Variants in PDE4D observed in about 807,000 individuals in gnomAD.
PDE4D encodes the protein phosphodiesterase 4D.
PDE4D carries 24 observed loss-of-function variants against 87.4 expected under a neutral mutation model. The observed-to-expected ratio is 0.27, with a 90% CI of 0.20 to 0.39. The LOEUF (loss-of-function observed/expected upper bound fraction) is 0.39. Ranked by LOEUF, PDE4D falls within the 10% of genes least tolerant of loss-of-function variation. PDE4D has a pLI of 1.00. For synonymous variants in PDE4D, 384 were observed against 383.2 expected, an observed-to-expected ratio of 1.00 and a Z score of -0.02; for missense variants, 714 against 1,041.0, an observed-to-expected ratio of 0.69 and a Z score of 4.32.
At chr5:59,040,468 G>T (rs937226590) in intron 5 of PDE4D, among the ~76,000 whole-genome samples, 1 of 152,180 alleles carries the variant, frequency 6.6e-6, no homozygotes, top group Non-Finnish European at 1.5e-5. Context: ...CTTGGGCCAA[G>T]GAAGAAAATC....
At chr5:59,982,268 T>C (rs1416499348) in intron 3 of PDE4D, among the ~76,000 whole-genome samples, 1 of 152,162 alleles carries the variant, frequency 6.6e-6, no homozygotes, top group Admixed American at 6.5e-5. Flanking sequence ...CCCACCCATA[T>C]CCCTGAATAT....
chr5:59,470,062 C>G (rs545904779), intron 1 of PDE4D, among the ~76,000 whole-genome samples: 2 of 151,942 alleles, frequency 1.3e-5, no homozygotes, highest in Non-Finnish European at 2.9e-5. Context: ...TTAATAAGCA[C>G]CCCTGGTAAA....
At chr5:59,596,010 TTATA>T (rs148993212) in intron 1 of PDE4D, among the ~76,000 whole-genome samples, 1 of 150,132 alleles carries the variant, frequency 6.7e-6, no homozygotes, top group African/African-American at 2.4e-5. Context: ...TTTTTAAAAA[TTATA>T]TATATATATA....
At chr5:60,325,368 A>G (rs1161839873) in intron 1 of PDE4D, among the ~76,000 whole-genome samples, 10 of 152,186 alleles carry the variant, frequency 6.6e-5, no homozygotes, top group Admixed American at 6.5e-4. Context: ...GATTGTATAT[A>G]TCCCTACAGG....
chr5:59,616,756 G>C (rs1231368485), intron 1 of PDE4D, among the ~76,000 whole-genome samples: 1 of 151,312 alleles, frequency 6.6e-6, no homozygotes, highest in Non-Finnish European at 1.5e-5. Context: ...GTATAAAGTT[G>C]CTCCCATGGA....
chr5:59,153,305 ATGT>A (rs1312395347), intron 5 of PDE4D, among the ~76,000 whole-genome samples: 1 of 152,174 alleles, frequency 6.6e-6, no homozygotes, highest in Non-Finnish European at 1.5e-5. Context: ...ACCAAAAGAA[ATGT>A]TGTCCTTTTC....
intron 1 of PDE4D, among the ~76,000 whole-genome samples, chr5:59,888,728 G>A (rs1750522149): frequency 6.6e-6 from 1 of 151,846 alleles, no homozygotes; most frequent in South Asian, 2.1e-4. Context: ...TTTTGGTAAT[G>A]TGAAATCTAA....
At chr5:59,599,236 CTTT>C (rs11409094) in intron 1 of PDE4D, among the ~76,000 whole-genome samples, 1 of 142,262 alleles carries the variant, frequency 7.0e-6, no homozygotes, top group African/African-American at 2.6e-5. Context: ...TTTGCTTTTT[CTTT>C]TTTTTTTTTT....
chr5:59,844,022 C>T (rs1211246280), intron 1 of PDE4D, among the ~76,000 whole-genome samples: 1 of 151,990 alleles, frequency 6.6e-6, no homozygotes, highest in Non-Finnish European at 1.5e-5. Context: ...TACTCACCAC[C>T]CTTGGCTGAA....
In PDE4D at chr5:58,976,478, AAT is replaced by A; in HGVS notation, c.1708-8_1708-7del. 1 of 1,541,592 alleles carries A rather than the reference AAT, an allele frequency of 6.5e-7. No individual in the cohort carries two copies. Among genetic ancestry groups the A allele is most frequent in the South Asian group, 1.2e-5 (1 of 84,108 alleles). On this transcript the variant is annotated splice_region_variant and splice_polypyrimidine_tract_variant and intron_variant, in intron 12 of 14. Coordinates refer to ENST00000340635, the MANE Select transcript of PDE4D (RefSeq NM_001104631.2). ...GACATATCTGTTGCAAGTACCTTAA[AAT>A]ATAGAGTATATTATTAAGTTCAGAG...
chr5:59,962,103 C>A (rs1002453874), intron 3 of PDE4D, among the ~76,000 whole-genome samples: 3 of 151,922 alleles, frequency 2.0e-5, no homozygotes, highest in Non-Finnish European at 4.4e-5. Context: ...ATTTCAAATA[C>A]AATTATTGGA....
chr5:59,562,880 G>T (rs1328194302), intron 1 of PDE4D, among the ~76,000 whole-genome samples: 1 of 148,764 alleles, frequency 6.7e-6, no homozygotes, highest in Non-Finnish European at 1.5e-5. Flanking sequence ...GAATCCTCAG[G>T]ACAACAGGGC....
At chr5:58,982,773 A>G (rs1308843994) in intron 11 of PDE4D, among the ~76,000 whole-genome samples, 1 of 152,162 alleles carries the variant, frequency 6.6e-6, no homozygotes, top group Non-Finnish European at 1.5e-5. Context: ...CCCTGCCACC[A>G]TGGCCACTTT....
chr5:60,140,794 AC>A (rs528159410), intron 2 of PDE4D, among the ~76,000 whole-genome samples: 14 of 152,270 alleles, frequency 9.2e-5, no homozygotes, highest in African/African-American at 3.1e-4. Context: ...CAGATTAGTG[AC>A]CCAGCTTAAG....
intron 2 of PDE4D, among the ~76,000 whole-genome samples, chr5:60,104,269 G>C (rs1022994936): frequency 2.0e-5 from 3 of 152,250 alleles, no homozygotes; most frequent in South Asian, 2.1e-4. Context: ...TAGCACAGCA[G>C]TCTGAGATCA....
chr5:59,452,625 C>A (rs992959384), intron 1 of PDE4D, among the ~76,000 whole-genome samples: 1 of 152,152 alleles, frequency 6.6e-6, no homozygotes, highest in African/African-American at 2.4e-5. Flanking sequence ...TGCCTCTCCC[C>A]AAATGTCCAC....
chr5:59,987,879 CT>C (rs1386122195), intron 3 of PDE4D: 1 of 152,206 alleles, frequency 6.6e-6, no homozygotes, highest in African/African-American at 2.4e-5. Flanking sequence ...AAATTATACC[CT>C]GCAAAGTAGG....
At chr5:59,833,601 G>A (rs932605828) in intron 1 of PDE4D, among the ~76,000 whole-genome samples, 4 of 151,982 alleles carry the variant, frequency 2.6e-5, no homozygotes, top group Non-Finnish European at 4.4e-5. Context: ...AACGGTAGCC[G>A]TGTTTCTCCT....
At chr5:59,991,920 G>A (rs1763043251) in intron 2 of PDE4D, among the ~76,000 whole-genome samples, 1 of 152,156 alleles carries the variant, frequency 6.6e-6, no homozygotes, top group Admixed American at 6.5e-5. Flanking sequence ...CTGTGAGGGT[G>A]TTACCAAAGA....
Sources: allele counts gnomAD v4.1 joint callset (sites outside exome capture counted in the v4.1 genomes callset), GRCh38; gene constraint gnomAD v4.1.1; transcripts MANE v1.5; gene names NCBI Gene and HGNC (gene_info 2026-07-23, HGNC 2026-07-21).